The following SNX6 variants were observed in gnomAD, a reference collection of about 807,000 sequenced individuals.
The protein encoded by SNX6 is sorting nexin-6.
SNX6 carries 34 observed loss-of-function variants against 63.0 expected under a neutral mutation model. The observed-to-expected ratio is 0.54, with a 90% CI of 0.41 to 0.72. SNX6 has a LOEUF of 0.72. Among genes scored for constraint, SNX6 ranks in the 30% least tolerant of loss-of-function variants. SNX6 has a pLI of 0.00. For missense variants in SNX6, 398 were observed against 471.4 expected, an observed-to-expected ratio of 0.84 and a Z score of 1.44; for synonymous variants, 170 against 164.2, an observed-to-expected ratio of 1.04 and a Z score of -0.27.
rs184756525 is a variant in SNX6 at position 34,592,035 on chromosome 14, T to C, written c.718+1010A>G. 2.2e-3 allele frequency among the ~76,000 whole-genome samples: 331 copies of C among 152,276 alleles called. 4 individuals carry two copies. Among genetic ancestry groups the C allele is most frequent in the East Asian group, 1.9e-3 (10 of 5,186 alleles). On this transcript the variant is annotated intron_variant, in intron 8 of 13. Transcript: ENST00000362031. Reference sequence around the variant, plus strand: ...AAAAATGTATACCCAAGGGTAGAGATTACAATCAATTTTTACTGTTTCATC... The same window carrying C: ...AAAAATGTATACCCAAGGGTAGAGACTACAATCAATTTTTACTGTTTCATC...
At chr14:34,622,242 A>T (rs1357759017) in intron 2 of SNX6, among the ~76,000 whole-genome samples, 1 of 149,590 alleles carries the variant, frequency 6.7e-6, no homozygotes, top group South Asian at 2.2e-4. Flanking sequence ...GATTATAGGC[A>T]TGAGCCACTG....
rs576189550 is a variant in SNX6, at chr14:34,606,618, A to G, written c.271-901T>C. Among the ~76,000 whole-genome samples, 3 of 151,330 alleles carry G rather than the reference A, an allele frequency of 2.0e-5. No homozygotes were observed. In the East Asian group the frequency reaches 5.9e-4, roughly 30 times the overall value. ...CAGGCATGTGCCACCATGCCTGGCT[A>G]ATTTTGTATTTTTAGTAGAGATGCG... On this transcript the variant is annotated intron_variant, in intron 4 of 13. Coordinates refer to ENST00000362031, the MANE Select transcript of SNX6 (RefSeq NM_152233.4).
intron 2 of SNX6, among the ~76,000 whole-genome samples, chr14:34,611,390 T>C (rs191810224): frequency 3.8e-4 from 56 of 147,842 alleles, no homozygotes; most frequent in African/African-American, 1.1e-3. Flanking sequence ...GTGTGGGGAA[T>C]GGCTTGAGCC....
At chr14:34,582,246 C>A (rs914992597) in intron 9 of SNX6, among the ~76,000 whole-genome samples, 8 of 151,378 alleles carry the variant, frequency 5.3e-5, no homozygotes, top group African/African-American at 1.9e-4. Flanking sequence ...AGTCTCCTGC[C>A]TCAGCCTCCT....
chr14:34,594,079 C>T (rs1304722917), intron 7 of SNX6, among the ~76,000 whole-genome samples: 1 of 152,170 alleles, frequency 6.6e-6, no homozygotes, highest in African/African-American at 2.4e-5. Context: ...TACAATTTTG[C>T]TCTTCAATAA....
intron 8 of SNX6, 38 bp from the exon 9 acceptor site, chr14:34,586,343 A>G: frequency 7.5e-7 from 1 of 1,332,968 alleles, no homozygotes; most frequent in Non-Finnish European, 1.1e-6. Flanking sequence ...ATACCTATTC[A>G]TAGATTTAAA....
intron 7 of SNX6, among the ~76,000 whole-genome samples, chr14:34,596,297 G>C (rs2138327965): frequency 6.6e-6 from 1 of 151,544 alleles, no homozygotes; most frequent in South Asian, 2.1e-4. Flanking sequence ...AAGTAAGTAA[G>C]GTGGGTGGTA....
rs79208880 is a variant in SNX6 at position 34,563,662 on chromosome 14, G to C, written c.1168-487C>G. Among the ~76,000 whole-genome samples the C allele has an allele frequency of 2.3e-4, 35 of 151,808 alleles. No individual in the cohort carries two copies. In the East Asian group the frequency reaches 6.6e-3, roughly 29 times the overall value. On this transcript the variant is annotated intron_variant, in intron 13 of 13. Coordinates refer to ENST00000362031, the MANE Select transcript of SNX6 (RefSeq NM_152233.4). Reference sequence around the variant, plus strand: ...AGCCATTCATTATATACACATAAAGGTTTAAATACATAAAATTACATGATT... The same window carrying C: ...AGCCATTCATTATATACACATAAAGCTTTAAATACATAAAATTACATGATT...
chr14:34,622,149 T>C (rs964999129), intron 2 of SNX6, among the ~76,000 whole-genome samples: 4 of 151,156 alleles, frequency 2.6e-5, no homozygotes, highest in Admixed American at 1.3e-4. Flanking sequence ...TTTAGTACAG[T>C]TGGGGTTTCG....
chr14:34,604,903 A>G (rs750637874), intron 5 of SNX6, among the ~76,000 whole-genome samples: 18 of 152,028 alleles, frequency 1.2e-4, no homozygotes, highest in South Asian at 6.2e-4. Context: ...GGGATTCTGC[A>G]TAAGTGATAC....
chr14:34,599,748 C>T (rs987430438), intron 6 of SNX6, among the ~76,000 whole-genome samples: 25 of 141,058 alleles, frequency 1.8e-4, no homozygotes, highest in African/African-American at 5.5e-4. Flanking sequence ...TACTCCAGCC[C>T]GGGCAACAGA....
intron 4 of SNX6, 32 bp from the exon 5 acceptor site, chr14:34,605,749 A>C: frequency 6.3e-7 from 1 of 1,583,164 alleles, no homozygotes. Context: ...AATTTTAAGG[A>C]AATTTTCATT....
At chr14:34,620,760 G>GCGA (rs1227837651) in intron 2 of SNX6, among the ~76,000 whole-genome samples, 1 of 152,064 alleles carries the variant, frequency 6.6e-6, no homozygotes, top group Non-Finnish European at 1.5e-5. Flanking sequence ...GGGCAACATA[G>GCGA]CGAAACCCTG....
intron 6 of SNX6, among the ~76,000 whole-genome samples, chr14:34,599,537 G>A (rs1882724996): frequency 6.6e-6 from 1 of 151,662 alleles, no homozygotes; most frequent in Non-Finnish European, 1.5e-5. Context: ...AACCCAGGAG[G>A]CAGAGGTTGC....
At chr14:34,628,794 G>A (rs72675245) in intron 2 of SNX6, among the ~76,000 whole-genome samples, 19,513 of 152,108 alleles carry the variant, frequency 0.13, 1,365 homozygotes, top group East Asian at 0.16. Flanking sequence ...AAAAGCAAAA[G>A]GGAAAACTGA....
intron 2 of SNX6, among the ~76,000 whole-genome samples, chr14:34,610,777 A>G (rs939518532): frequency 1.4e-4 from 22 of 152,128 alleles, no homozygotes; most frequent in African/African-American, 5.3e-4. Flanking sequence ...GAGACTTAGG[A>G]AAGAGTCAAA....
intron 2 of SNX6, 195 bp downstream of exon 2, chr14:34,629,712 G>A (rs534895260): frequency 8.5e-4 from 785 of 922,892 alleles, no homozygotes; most frequent in Non-Finnish European, 1.2e-3. Flanking sequence ...GCGGGTCCCC[G>A]GGAATCGGAG....
At chr14:34,569,307 C>A (rs988618955) in intron 11 of SNX6, among the ~76,000 whole-genome samples, 3 of 152,166 alleles carry the variant, frequency 2.0e-5, no homozygotes, top group Admixed American at 6.6e-5. Context: ...ACTTTCATCA[C>A]CCAAAAAGAA....
intron 11 of SNX6, among the ~76,000 whole-genome samples, chr14:34,569,352 C>T (rs1881337353): frequency 6.6e-6 from 1 of 152,178 alleles, no homozygotes; most frequent in Non-Finnish European, 1.5e-5. Context: ...TGCCATTTCC[C>T]CATGTGTGCC....
Sources: gnomAD v4.1 joint callset for allele counts (sites outside exome capture counted in the v4.1 genomes callset) on GRCh38, gnomAD v4.1.1 for gene constraint, MANE v1.5 for transcripts, NCBI Gene and HGNC (gene_info 2026-07-23, HGNC 2026-07-21) for gene names.